The following FHIT variants were observed in gnomAD, a reference collection of about 807,000 sequenced individuals.
The protein encoded by FHIT is fragile histidine triad diadenosine triphosphatase, also known as bis(5'-adenosyl)-triphosphatase.
Under a neutral mutation model 17.9 loss-of-function variants are expected in FHIT, and 19 were observed. That is an observed-to-expected ratio of 1.06 (90% CI 0.74 to 1.56). The LOEUF (loss-of-function observed/expected upper bound fraction) is 1.56, where lower values mean the gene tolerates loss of function less well. Ranked by LOEUF, FHIT falls within the 40% of genes most tolerant of loss-of-function variation. The pLI is 0.00. For missense variants in FHIT, 248 were observed against 189.2 expected, an observed-to-expected ratio of 1.31 and a Z score of -1.82; for synonymous variants, 81 against 69.7, an observed-to-expected ratio of 1.16 and a Z score of -0.81.
chr3:60,422,034 G>T (rs1702491423), intron 5 of FHIT, among the ~76,000 whole-genome samples: 1 of 152,142 alleles, frequency 6.6e-6, no homozygotes, highest in African/African-American at 2.4e-5. Context: ...CTTAGGCAGT[G>T]TGAGGGCATA....
At chr3:59,891,947 A>G (rs1315081732) in intron 8 of FHIT, among the ~76,000 whole-genome samples, 15 of 152,226 alleles carry the variant, frequency 9.9e-5, no homozygotes, top group Non-Finnish European at 2.2e-4. Flanking sequence ...GAAAGCAGAC[A>G]TGATGAAACT....
intron 5 of FHIT, among the ~76,000 whole-genome samples, chr3:60,349,332 T>A (rs920051508): frequency 5.9e-5 from 9 of 152,132 alleles, no homozygotes; most frequent in African/African-American, 2.2e-4. Flanking sequence ...GATTTCAAGC[T>A]GTTTACGGAT....
intron 4 of FHIT, among the ~76,000 whole-genome samples, chr3:60,598,720 G>A (rs1687014861): frequency 6.6e-6 from 1 of 152,160 alleles, no homozygotes; most frequent in South Asian, 2.1e-4. Context: ...GGCTTTTTCA[G>A]ATACCGCTTC....
In FHIT at chr3:59,794,615, T is replaced by C. The variant is rs1038500; in HGVS notation, c.349-42294A>G. On this transcript the variant is annotated intron_variant, in intron 8 of 9. Coordinates refer to ENST00000492590, the MANE Select transcript of FHIT (RefSeq NM_002012.4). ...TCCTCGGAGACAGCTGCTGTTATCT[T>C]CCATGTCATACATCAGGGCACTGAG... Among the ~76,000 whole-genome samples the C allele has an allele frequency of 1.5e-3, 225 of 152,354 alleles. 2 individuals are homozygous for C. The highest frequency in any genetic ancestry group is 6.8e-3 in the Middle Eastern group (2 of 294).
Position 61,045,546 on chromosome 3 carries a change from T to A in FHIT, c.-163-3447A>T, listed in dbSNP as rs1020127304. Among the ~76,000 whole-genome samples the A allele has an allele frequency of 4.6e-5, 7 of 152,152 alleles. No individual in the cohort carries two copies. The South Asian group carries it at 1.4e-3, about 32-fold the overall frequency. On this transcript the variant is annotated intron_variant, in intron 2 of 9. Coordinates refer to ENST00000492590, the MANE Select transcript of FHIT (RefSeq NM_002012.4). ...CTCCCACACAATAATAATGGGAGGC[T>A]TTAATACCCCACTGTCAACATTAGA...
chr3:61,037,495 T>A lies in FHIT; in HGVS notation c.-111+4552A>T, dbSNP rs115979998. ...ACAATTATGTGTTTAATTCCCAGCA[T>A]ATTAAAATATATATAATTAGCACAT... On this transcript the variant is annotated intron_variant, in intron 3 of 9. Coordinates refer to ENST00000492590, the MANE Select transcript of FHIT (RefSeq NM_002012.4). 3.5e-3 allele frequency among the ~76,000 whole-genome samples: 539 copies of A among 152,322 alleles called. 3 individuals carry two copies. The highest frequency in any genetic ancestry group is 0.013 in the African/African-American group (525 of 41,572).
At chr3:60,411,504 A>G (rs1055310913) in intron 5 of FHIT, among the ~76,000 whole-genome samples, 1 of 152,176 alleles carries the variant, frequency 6.6e-6, no homozygotes, top group African/African-American at 2.4e-5. Context: ...GGGTTCATAC[A>G]GCCACAGCTA....
At chr3:60,650,784 T>G (rs1398432701) in intron 4 of FHIT, among the ~76,000 whole-genome samples, 1 of 152,162 alleles carries the variant, frequency 6.6e-6, no homozygotes, top group African/African-American at 2.4e-5. Flanking sequence ...GCACATAATT[T>G]AAAGTGTTTT....
At chr3:60,535,034 G>T (rs1469289591) in intron 5 of FHIT, among the ~76,000 whole-genome samples, 1 of 152,058 alleles carries the variant, frequency 6.6e-6, no homozygotes, top group Non-Finnish European at 1.5e-5. Flanking sequence ...TTAAAAAGTG[G>T]CCAACATGGC....
chr3:61,191,236 A>T (rs1452530627), intron 2 of FHIT, among the ~76,000 whole-genome samples: 1 of 152,106 alleles, frequency 6.6e-6, no homozygotes, highest in African/African-American at 2.4e-5. Flanking sequence ...TCTGGGTGAG[A>T]TTAGCATTTA....
chr3:60,172,565 T>C (rs2103474), intron 5 of FHIT, among the ~76,000 whole-genome samples: 127,034 of 152,044 alleles, frequency 0.84, 53,464 homozygotes, highest in African/African-American at 0.9. Context: ...CGTGAGCCAC[T>C]GCACCAGGAC....
At chr3:60,838,101 CTCTTT>C (rs1233601913) in intron 3 of FHIT, among the ~76,000 whole-genome samples, 2 of 152,162 alleles carry the variant, frequency 1.3e-5, no homozygotes, top group African/African-American at 4.8e-5. Flanking sequence ...AATTAGATAA[CTCTTT>C]TCTTTTCTTT....
At chr3:60,090,454 T>C (rs1703682250) in intron 5 of FHIT, among the ~76,000 whole-genome samples, 1 of 152,098 alleles carries the variant, frequency 6.6e-6, no homozygotes, top group African/African-American at 2.4e-5. Flanking sequence ...AAAAGCAAAA[T>C]AGGATTATCA....
chr3:61,177,303 C>T (rs930459837), intron 2 of FHIT, among the ~76,000 whole-genome samples: 1 of 151,970 alleles, frequency 6.6e-6, no homozygotes, highest in Non-Finnish European at 1.5e-5. Flanking sequence ...GAGGACCTCC[C>T]AAATTGTATG....
rs549034678 is a variant in FHIT, at chr3:59,939,096, G to A, written c.280-16682C>T. Among the ~76,000 whole-genome samples the A allele has an allele frequency of 7.2e-5, 11 of 152,316 alleles. No individual in the cohort carries two copies. In the East Asian group the frequency reaches 2.1e-3, roughly 29 times the overall value. On this transcript the variant is annotated intron_variant, in intron 7 of 9. Coordinates refer to ENST00000492590, the MANE Select transcript of FHIT (RefSeq NM_002012.4). ...GCAACAGACAGTGGGGGAAGCCCCAGCACCAACCCTCATTTTTCTCATAAT... is the reference window on the plus strand; with the variant it reads ...GCAACAGACAGTGGGGGAAGCCCCAACACCAACCCTCATTTTTCTCATAAT...
chr3:60,587,157 G>C (rs1286917555), intron 4 of FHIT, among the ~76,000 whole-genome samples: 6 of 151,924 alleles, frequency 3.9e-5, no homozygotes, highest in African/African-American at 1.5e-4. Flanking sequence ...ATACACCACG[G>C]AATACTATGC....
chr3:60,932,056 T>C (rs1349376360), intron 3 of FHIT, among the ~76,000 whole-genome samples: 3 of 152,220 alleles, frequency 2.0e-5, no homozygotes, highest in Non-Finnish European at 4.4e-5. Context: ...TTTCTGCTAC[T>C]TTCCCTCTTG....
chr3:59,856,745 C>T (rs774479191), intron 8 of FHIT, among the ~76,000 whole-genome samples: 16 of 151,912 alleles, frequency 1.1e-4, no homozygotes, highest in Admixed American at 3.3e-4. Flanking sequence ...TTTATAATAT[C>T]TATCTAATTC....
chr3:61,209,972 A>G (rs2039402069), intron 1 of FHIT, among the ~76,000 whole-genome samples: 1 of 151,688 alleles, frequency 6.6e-6, no homozygotes, highest in Non-Finnish European at 1.5e-5. Context: ...GATGATGGTG[A>G]CGTACAGATG....
Sources: gnomAD v4.1 joint callset for allele counts (sites outside exome capture counted in the v4.1 genomes callset) on GRCh38, gnomAD v4.1.1 for gene constraint, MANE v1.5 for transcripts, NCBI Gene and HGNC (gene_info 2026-07-23, HGNC 2026-07-21) for gene names.